Variants in TSPAN10 observed in about 807,000 individuals in gnomAD.
TSPAN10 encodes the protein tetraspanin-10.
Under a neutral mutation model 15.0 loss-of-function variants are expected in TSPAN10, and 11 were observed. That is an observed-to-expected ratio of 0.73 (90% CI 0.46 to 1.21). The LOEUF (loss-of-function observed/expected upper bound fraction) is 1.21, where lower values mean the gene tolerates loss of function less well. TSPAN10 is among the 50% of genes most tolerant of loss of function. The pLI, the probability that TSPAN10 is intolerant of heterozygous loss-of-function variation, is 0.00. For missense variants in TSPAN10, 486 were observed against 470.6 expected, an observed-to-expected ratio of 1.03 and a Z score of -0.30; for synonymous variants, 241 against 226.2, an observed-to-expected ratio of 1.07 and a Z score of -0.59.
At chr17:81,644,992 G>A in exon 2 of TSPAN10, 1 of 1,610,638 alleles carries the variant, frequency 6.2e-7, no homozygotes, top group Non-Finnish European at 8.5e-7. Flanking sequence ...CCCTCTGCAG[G>A]AAACTGCAGG....
chr17:81,639,651 G>A (rs541381353), upstream of TSPAN10, among the ~76,000 whole-genome samples: 5 of 149,676 alleles, frequency 3.3e-5, no homozygotes, highest in African/African-American at 4.9e-5. Flanking sequence ...TCATCCCAGC[G>A]CGGTGGCTCA....
chr17:81,637,616 T>C (rs1328122653), upstream of TSPAN10: 1 of 506,246 alleles, frequency 2.0e-6, no homozygotes, highest in African/African-American at 2.0e-5. Flanking sequence ...CTGGCCAAAA[T>C]GGTGAAACCC....
At chr17:81,642,146 G>C (rs915774550), upstream of TSPAN10, among the ~76,000 whole-genome samples, 2 of 152,188 alleles carry the variant, frequency 1.3e-5, no homozygotes, top group Non-Finnish European at 2.9e-5. Context: ...GCTGAGCTTA[G>C]GGGACCCACA....
At chr17:81,637,208 C>T in exon 1 of TSPAN10, 1 of 470,154 alleles carries the variant, frequency 2.1e-6, no homozygotes, top group Non-Finnish European at 3.8e-6. Context: ...CCCCGCCATC[C>T]CTGCAACTGG....
chr17:81,645,019 G>C (rs1249234999), exon 2 of TSPAN10: 3 of 1,609,968 alleles, frequency 1.9e-6, no homozygotes, highest in Admixed American at 3.4e-5. Context: ...GCCCCTCTCT[G>C]TGCACAGGCC....
chr17:81,646,127 C>T (rs1486963196), intron 2 of TSPAN10: 1 of 227,256 alleles, frequency 4.4e-6, no homozygotes, highest in Non-Finnish European at 8.6e-6. Context: ...CACGATGGCT[C>T]ACACCTGTAA....
At chr17:81,643,347 C>T (rs2036199972) in intron 1 of TSPAN10, among the ~76,000 whole-genome samples, 1 of 39,118 alleles carries the variant, frequency 2.6e-5, no homozygotes, top group African/African-American at 2.0e-4. Context: ...CGCGGTGGCT[C>T]ACGCCTGTAA....
chr17:81,645,271 G>A, exon 2 of TSPAN10: 1 of 1,532,568 alleles, frequency 6.5e-7, no homozygotes, highest in South Asian at 1.3e-5. Context: ...GGCTGTCAAG[G>A]GGTCTCTGGG....
chr17:81,637,443 A>T, upstream of TSPAN10: 1 of 648,476 alleles, frequency 1.5e-6, no homozygotes, highest in Non-Finnish European at 2.7e-6. Flanking sequence ...GCAGGATCAC[A>T]CCTTCATGTT....
At chr17:81,637,204 C>T (rs1446599218) in exon 1 of TSPAN10, 2 of 469,014 alleles carry the variant, frequency 4.3e-6, no homozygotes, top group East Asian at 3.4e-5. Flanking sequence ...CCGCCCCCGC[C>T]ATCCCTGCAA....
Sources: allele counts gnomAD v4.1 joint callset (sites outside exome capture counted in the v4.1 genomes callset), GRCh38; gene constraint gnomAD v4.1.1; transcripts MANE v1.5; gene names NCBI Gene and HGNC (gene_info 2026-07-23, HGNC 2026-07-21).